NCAM2: variants seen among roughly 807,000 people sequenced by gnomAD.
NCAM2 encodes the protein neural cell adhesion molecule 2, also known as N-CAM-2.
Under a neutral mutation model 98.1 loss-of-function variants are expected in NCAM2, and 30 were observed. The observed-to-expected ratio is 0.31, with a 90% confidence interval of 0.23 to 0.41. NCAM2 has a LOEUF of 0.41. NCAM2 is among the 10% of genes least tolerant of loss of function. The probability of loss-of-function intolerance (pLI) is 1.00; values close to 1 mark genes in which losing one functional copy is unlikely to be tolerated. For synonymous variants in NCAM2, 368 were observed against 342.4 expected (o/e 1.07, Z -0.83); for missense variants, 867 against 1,005.8 (o/e 0.86, Z 1.87).
chr21:21,081,255 T>G (rs2065791820), intron 1 of NCAM2, among the ~76,000 whole-genome samples: 1 of 152,210 alleles, frequency 6.6e-6, no homozygotes, highest in Admixed American at 6.5e-5. Flanking sequence ...ATGCACATGC[T>G]GGAGCTCACT....
intron 1 of NCAM2, among the ~76,000 whole-genome samples, chr21:21,107,726 G>A (rs1888441574): frequency 6.6e-6 from 1 of 152,088 alleles, no homozygotes; most frequent in African/African-American, 2.4e-5. Flanking sequence ...ATGTTGGACA[G>A]TAAGAAAGAG....
intron 1 of NCAM2, among the ~76,000 whole-genome samples, chr21:21,209,889 A>G (rs2069582733): frequency 6.6e-6 from 1 of 152,172 alleles, no homozygotes; most frequent in Admixed American, 6.5e-5. Flanking sequence ...AGACAGTAAC[A>G]TGGCATTATG....
At chr21:21,454,394 T>G (rs1182689240) in intron 12 of NCAM2, among the ~76,000 whole-genome samples, 2 of 152,070 alleles carry the variant, frequency 1.3e-5, no homozygotes, top group Non-Finnish European at 2.9e-5. Context: ...AGCTATTTTC[T>G]CCATTTGCTT....
intron 5 of NCAM2, among the ~76,000 whole-genome samples, chr21:21,295,231 A>G (rs997236813): frequency 9.4e-6 from 1 of 106,778 alleles, no homozygotes; most frequent in Non-Finnish European, 1.9e-5. Context: ...TCACATTTCT[A>G]TCCTACCAAT....
intron 1 of NCAM2, among the ~76,000 whole-genome samples, chr21:21,249,484 T>C (rs1453614294): frequency 1.3e-5 from 2 of 152,272 alleles, no homozygotes; most frequent in African/African-American, 4.8e-5. Flanking sequence ...AGCTCCATCT[T>C]CAGGTTTATT....
intron 9 of NCAM2, among the ~76,000 whole-genome samples, chr21:21,383,897 G>T (rs895835881): frequency 1.8e-4 from 28 of 151,840 alleles, no homozygotes; most frequent in African/African-American, 6.5e-4. Context: ...ATGTAAGATT[G>T]TTTAAACTAC....
At chr21:21,468,363 GAAAT>G (rs1444411494) in intron 13 of NCAM2, among the ~76,000 whole-genome samples, 2 of 151,856 alleles carry the variant, frequency 1.3e-5, no homozygotes, top group Non-Finnish European at 2.9e-5. Flanking sequence ...AATAATAAGA[GAAAT>G]AAAGTTTTAC....
At chr21:21,021,733 C>T (rs1200752058) in intron 1 of NCAM2, among the ~76,000 whole-genome samples, 1 of 152,138 alleles carries the variant, frequency 6.6e-6, no homozygotes, top group Non-Finnish European at 1.5e-5. Flanking sequence ...ACTTCTTAGT[C>T]ATTTTAAACC....
intron 1 of NCAM2, among the ~76,000 whole-genome samples, chr21:21,157,400 CTA>C (rs2067648082): frequency 6.6e-6 from 1 of 152,030 alleles, no homozygotes; most frequent in Non-Finnish European, 1.5e-5. Context: ...TACAGTCACT[CTA>C]TGCATTAATG....
At chr21:21,446,250 G>A (rs956726299) in intron 12 of NCAM2, among the ~76,000 whole-genome samples, 1 of 151,502 alleles carries the variant, frequency 6.6e-6, no homozygotes, top group Non-Finnish European at 1.5e-5. Flanking sequence ...CCTTTTCCTG[G>A]CCTTAACATT....
At chr21:21,252,994 C>A (rs1452915826) in intron 1 of NCAM2, among the ~76,000 whole-genome samples, 1 of 152,112 alleles carries the variant, frequency 6.6e-6, no homozygotes, top group Non-Finnish European at 1.5e-5. Flanking sequence ...GAAAACTGGC[C>A]ATTTTTCTCA....
intron 1 of NCAM2, among the ~76,000 whole-genome samples, chr21:21,200,569 C>T (rs1228465056): frequency 1.3e-5 from 2 of 151,966 alleles, no homozygotes; most frequent in Non-Finnish European, 2.9e-5. Flanking sequence ...TTTCTGGTCA[C>T]TGTGAAACAT....
intron 5 of NCAM2, among the ~76,000 whole-genome samples, chr21:21,312,593 A>G (rs906112759): frequency 0.012 from 1 of 86 alleles, no homozygotes; most frequent in South Asian, 0.25. Flanking sequence ...CTTAATGTTG[A>G]TATATTTCCT....
rs1051544439 is a variant in NCAM2, at chr21:21,480,238, G to A, written c.2077+2767G>A. On this transcript the variant is annotated intron_variant, in intron 15 of 17. Coordinates refer to ENST00000400546, the MANE Select transcript of NCAM2 (RefSeq NM_004540.5). ...AAAAATTAGCTGGGCGTACTGGCGG[G>A]CGCCTGTTGTCCCAGCTACTCGGGA... Among the ~76,000 whole-genome samples, 16 of 151,836 alleles carry A rather than the reference G, an allele frequency of 1.1e-4. No individual in the cohort carries two copies. The East Asian group carries it at 3.1e-3, about 30-fold the overall frequency.
chr21:21,420,054 A>G (rs1433666068), intron 11 of NCAM2, among the ~76,000 whole-genome samples: 1 of 152,126 alleles, frequency 6.6e-6, no homozygotes, highest in African/African-American at 2.4e-5. Flanking sequence ...ATTAAATTAT[A>G]TTTCAAGTAA....
intron 9 of NCAM2, among the ~76,000 whole-genome samples, chr21:21,381,860 C>T (rs1010672305): frequency 6.6e-6 from 1 of 151,954 alleles, no homozygotes; most frequent in African/African-American, 2.4e-5. Flanking sequence ...GAAGAAGTTT[C>T]TTCTCCATTT....
intron 15 of NCAM2, among the ~76,000 whole-genome samples, chr21:21,505,821 A>G (rs574969729): frequency 2.0e-5 from 3 of 152,062 alleles, no homozygotes; most frequent in Non-Finnish European, 2.9e-5. Flanking sequence ...ACTGGGCAAT[A>G]AGTGCTGGAG....
At chr21:21,279,551 G>C (rs1468301230) in intron 1 of NCAM2, among the ~76,000 whole-genome samples, 1 of 151,918 alleles carries the variant, frequency 6.6e-6, no homozygotes, top group Non-Finnish European at 1.5e-5. Flanking sequence ...TAGAGACGGG[G>C]TTTCACCATG....
chr21:21,395,383 G>T (rs1602210060), intron 9 of NCAM2, among the ~76,000 whole-genome samples: 1 of 152,216 alleles, frequency 6.6e-6, no homozygotes, highest in Non-Finnish European at 1.5e-5. Context: ...TAGGGAGATA[G>T]AACATACATG....
Sources: allele counts gnomAD v4.1 joint callset (sites outside exome capture counted in the v4.1 genomes callset), GRCh38; gene constraint gnomAD v4.1.1; transcripts MANE v1.5; gene names NCBI Gene and HGNC (gene_info 2026-07-23, HGNC 2026-07-21).